The following ITGA8 variants were observed in gnomAD, a reference collection of about 807,000 sequenced individuals.
The protein encoded by ITGA8 is integrin alpha-8.
ITGA8 carries 91 observed loss-of-function variants against 142.3 expected under a neutral mutation model. The observed-to-expected ratio is 0.64, with a 90% CI of 0.54 to 0.76. The LOEUF is 0.76. ITGA8 is among the 30% of genes least tolerant of loss of function. The pLI is 0.00. For synonymous variants in ITGA8, 505 were observed against 485.2 expected (o/e 1.04, Z -0.54); for missense variants, 1,406 against 1,327.7 (o/e 1.06, Z -0.92).
At chr10:15,585,933 T>C (rs1205321218) in intron 23 of ITGA8, among the ~76,000 whole-genome samples, 3 of 152,168 alleles carry the variant, frequency 2.0e-5, no homozygotes, top group African/African-American at 7.2e-5. Flanking sequence ...CTAAAATAAT[T>C]ATTGGAGAAT....
At chr10:15,621,502 G>T (rs1833491030) in intron 13 of ITGA8, among the ~76,000 whole-genome samples, 1 of 152,166 alleles carries the variant, frequency 6.6e-6, no homozygotes, top group Admixed American at 6.5e-5. Flanking sequence ...TTAAAGTGGT[G>T]CTTGGTTTGC....
chr10:15,643,167 C>T (rs1033302542), intron 13 of ITGA8, among the ~76,000 whole-genome samples: 1 of 152,208 alleles, frequency 6.6e-6, no homozygotes, highest in African/African-American at 2.4e-5. Flanking sequence ...CATGTGCCTT[C>T]AATGTGAATT....
rs148196159 is a variant in ITGA8 at position 15,684,090 on chromosome 10, G to A, written c.482C>T (p.Pro161Leu). 2.1e-5 allele frequency: 34 copies of A among 1,614,008 alleles called. No homozygotes were observed. Among genetic ancestry groups the A allele is most frequent in the South Asian group, 5.5e-5 (5 of 91,068 alleles). ...APLYHWRTLK[P>L]TPEKDPVGTC... ...GCCAACTGGGTCCTTTTCTGGTGTC[G>A]GTTTAAGAGTTCTCCAGTGATATAA... Residue 161 changes from proline (P) to leucine (L), a missense_variant, in exon 4 of 30, where the codon CCG (proline) becomes CTG (leucine). Coordinates refer to ENST00000378076, the MANE Select transcript of ITGA8 (RefSeq NM_003638.3).
In ITGA8 at chr10:15,613,362, C is replaced by T. The variant is rs147987380; in HGVS notation, c.1553+298G>A. On this transcript the variant is annotated intron_variant, in intron 15 of 29. Transcript: ENST00000378076. ...AAGATTTGTTTGACTGGGAATTTCC[C>T]CAAATGTTTTTATACTTCTCATCTC... is the stretch of plus-strand genomic sequence containing the variant. Among the ~76,000 whole-genome samples the T allele has an allele frequency of 5.3e-4, 80 of 152,038 alleles. No individual in the cohort carries two copies. The East Asian group carries it at 0.015, about 28-fold the overall frequency.
At chr10:15,665,872 C>G (rs1834381695) in intron 8 of ITGA8, among the ~76,000 whole-genome samples, 1 of 152,158 alleles carries the variant, frequency 6.6e-6, no homozygotes, top group African/African-American at 2.4e-5. Context: ...TTCCATTGAT[C>G]TATATCTCTG....
chr10:15,538,802 A>G (rs952516526), intron 27 of ITGA8, among the ~76,000 whole-genome samples: 4 of 152,096 alleles, frequency 2.6e-5, no homozygotes, highest in African/African-American at 9.7e-5. Flanking sequence ...AAAGACTCAG[A>G]TGACAATTTA....
chr10:15,548,827 G>C (rs1487729283), intron 26 of ITGA8, among the ~76,000 whole-genome samples: 6 of 152,110 alleles, frequency 3.9e-5, no homozygotes, highest in Non-Finnish European at 5.9e-5. Context: ...CAATTTAATT[G>C]TTCTGTTTCA....
At chr10:15,544,167 A>G (rs1833626219) in intron 27 of ITGA8, among the ~76,000 whole-genome samples, 1 of 152,186 alleles carries the variant, frequency 6.6e-6, no homozygotes, top group Non-Finnish European at 1.5e-5. Context: ...GCATGGTGCC[A>G]GGCACCTGTA....
intron 2 of ITGA8, among the ~76,000 whole-genome samples, chr10:15,694,001 T>A (rs1023234040): frequency 6.6e-6 from 1 of 151,202 alleles, no homozygotes; most frequent in Non-Finnish European, 1.5e-5. Context: ...GATGTTGATG[T>A]TGTACTACAG....
intron 26 of ITGA8, among the ~76,000 whole-genome samples, chr10:15,551,504 A>C (rs1013021582): frequency 6.6e-6 from 1 of 152,164 alleles, no homozygotes; most frequent in African/African-American, 2.4e-5. Flanking sequence ...ATGAAACAGA[A>C]GACAGGAAAG....
chr10:15,719,227 A>G (rs9333072), intron 1 of ITGA8, among the ~76,000 whole-genome samples: 2,747 of 151,904 alleles, frequency 0.018, 68 homozygotes, highest in African/African-American at 0.064. Context: ...ATGGTTACAG[A>G]CTCTGCATAA....
chr10:15,546,475 ATGT>A (rs1487647533), intron 27 of ITGA8, among the ~76,000 whole-genome samples: 1 of 152,170 alleles, frequency 6.6e-6, no homozygotes, highest in African/African-American at 2.4e-5. Flanking sequence ...AAATGGGATG[ATGT>A]TGTCCCCTGA....
intron 2 of ITGA8, among the ~76,000 whole-genome samples, chr10:15,716,676 T>TC (rs1019780847): frequency 1.3e-4 from 20 of 149,210 alleles, no homozygotes; most frequent in Non-Finnish European, 2.4e-4. Context: ...TTGTATTTTT[T>TC]TTTTTTTTTT....
At chr10:15,714,665 T>A (rs908564537) in intron 2 of ITGA8, among the ~76,000 whole-genome samples, 8 of 152,042 alleles carry the variant, frequency 5.3e-5, no homozygotes, top group Non-Finnish European at 1.0e-4. Context: ...TCAAGTTATA[T>A]GATAAGGTAA....
At chr10:15,690,871 G>C (rs1359031453) in intron 2 of ITGA8, among the ~76,000 whole-genome samples, 2 of 151,754 alleles carry the variant, frequency 1.3e-5, no homozygotes, top group Admixed American at 6.6e-5. Flanking sequence ...CCCCTAAAAA[G>C]CTTTTGCACA....
chr10:15,673,088 TG>T lies in ITGA8; in HGVS notation c.677-340del, dbSNP rs9333104. Among the ~76,000 whole-genome samples, 934 of 152,244 alleles carry T rather than the reference TG, an allele frequency of 6.1e-3. 7 individuals carry two copies. Among genetic ancestry groups the T allele is most frequent in the African/African-American group, 0.022 (900 of 41,514 alleles). On this transcript the variant is annotated intron_variant, in intron 6 of 29. Transcript: ENST00000378076. Reference sequence around the variant, plus strand: ...ATTTTTGTTTGTTTGTTTGTTTGTTTGTTTTTGTTTTTTGGGACAGAGTCTC... The same window carrying T: ...ATTTTTGTTTGTTTGTTTGTTTGTTTTTTTTGTTTTTTGGGACAGAGTCTC...
At chr10:15,668,917 G>C (rs1834451785) in intron 8 of ITGA8, among the ~76,000 whole-genome samples, 1 of 152,172 alleles carries the variant, frequency 6.6e-6, no homozygotes, top group Non-Finnish European at 1.5e-5. Flanking sequence ...TTCCCTTTGT[G>C]GGTAACCCGA....
chr10:15,618,767 G>T (rs1736406155), intron 13 of ITGA8, among the ~76,000 whole-genome samples: 1 of 152,204 alleles, frequency 6.6e-6, no homozygotes, highest in South Asian at 2.1e-4. Flanking sequence ...AAGTTCTTCA[G>T]CTTTGGGACT....
chr10:15,692,124 G>A (rs1834946945), intron 2 of ITGA8, among the ~76,000 whole-genome samples: 2 of 151,942 alleles, frequency 1.3e-5, no homozygotes, highest in African/African-American at 2.4e-5. Flanking sequence ...GTAGAGGCAA[G>A]GTTTTGCTAT....
Sources: gnomAD v4.1 joint callset for allele counts (sites outside exome capture counted in the v4.1 genomes callset) on GRCh38, gnomAD v4.1.1 for gene constraint, MANE v1.5 for transcripts, NCBI Gene and HGNC (gene_info 2026-07-23, HGNC 2026-07-21) for gene names.